SLCO3A1: variants seen among roughly 807,000 people sequenced by gnomAD.
SLCO3A1 encodes PGE1 transporter.
Under a neutral mutation model 63.1 loss-of-function variants are expected in SLCO3A1, and 27 were observed. The observed-to-expected ratio is 0.43, with a 90% confidence interval of 0.32 to 0.59. The LOEUF is 0.59. Ranked by LOEUF, SLCO3A1 falls within the 20% of genes least tolerant of loss-of-function variation. SLCO3A1 has a pLI of 0.09. For missense variants in SLCO3A1, 773 were observed against 945.8 expected (o/e 0.82, Z 2.40); for synonymous variants, 473 against 409.9 (o/e 1.15, Z -1.86).
At chr15:92,081,395 G>A (rs571710112) in intron 2 of SLCO3A1, among the ~76,000 whole-genome samples, 1 of 151,636 alleles carries the variant, frequency 6.6e-6, no homozygotes, top group Non-Finnish European at 1.5e-5. Context: ...CTATTGCCCA[G>A]GCTGGAGCGC....
rs1282401643 is a variant in SLCO3A1, at chr15:91,887,067, C to T, written c.181-28926C>T. 3.3e-5 allele frequency among the ~76,000 whole-genome samples: 5 copies of T among 152,198 alleles called. No homozygotes were observed. In the East Asian group the frequency reaches 9.7e-4, roughly 29 times the overall value. The stretch of plus-strand genomic sequence containing the variant: ...TTTTATGGTGTTTTGTGGGAGGGCA[C>T]AGGGGACTGACGTGTGAATGCCAGG... On this transcript the variant is annotated intron_variant, in intron 1 of 9. Transcript: ENST00000318445.
intron 3 of SLCO3A1, chr15:92,097,804 G>A (rs893296020): frequency 6.6e-6 from 1 of 152,226 alleles, no homozygotes; most frequent in African/African-American, 2.4e-5. Flanking sequence ...TATTTAGGGA[G>A]TCAGCCATAG....
chr15:92,131,346 TCC>T (rs2047993645), intron 7 of SLCO3A1, among the ~76,000 whole-genome samples: 1 of 141,202 alleles, frequency 7.1e-6, no homozygotes, highest in Non-Finnish European at 1.6e-5. Flanking sequence ...AGCCTCAACC[TCC>T]CTATTCCTCC....
chr15:91,998,088 T>G (rs781224735), intron 2 of SLCO3A1, among the ~76,000 whole-genome samples: 1 of 152,224 alleles, frequency 6.6e-6, no homozygotes, highest in Non-Finnish European at 1.5e-5. Flanking sequence ...TTTCAAACTA[T>G]GCATTCGACA....
chr15:91,986,198 G>A (rs545588625), intron 2 of SLCO3A1, among the ~76,000 whole-genome samples: 1 of 152,272 alleles, frequency 6.6e-6, no homozygotes, highest in East Asian at 1.9e-4. Context: ...CCCTTTCCTC[G>A]GCTACTGTCC....
At chr15:92,089,898 T>C (rs1297398120) in intron 2 of SLCO3A1, among the ~76,000 whole-genome samples, 7 of 152,188 alleles carry the variant, frequency 4.6e-5, no homozygotes, top group Admixed American at 3.9e-4. Context: ...CAAACTTACT[T>C]GGTTCACAGC....
Position 92,094,921 on chromosome 15 carries a change from G to C in SLCO3A1, c.687G>C (p.Gly229=). 3.7e-6 allele frequency: 6 copies of C among 1,613,998 alleles called. No homozygotes were observed. The highest frequency in any genetic ancestry group is 5.1e-6 in the Non-Finnish European group (6 of 1,179,854). ...FTMLVFGPAC[G]FILGSFCTKI... ...TGCTGGTATTTGGACCAGCCTGCGG[G>C]TTTATCCTGGGCTCTTTCTGTACCA... is the stretch of plus-strand genomic sequence containing the variant. The change falls in exon 3 of 10, where the codon GGG becomes GGC. Residue 229 remains glycine, a synonymous_variant. Transcript: ENST00000318445.
At chr15:92,129,126 T>C (rs904191870) in intron 7 of SLCO3A1, among the ~76,000 whole-genome samples, 61 of 152,310 alleles carry the variant, frequency 4.0e-4, no homozygotes, top group African/African-American at 1.4e-3. Flanking sequence ...CAGGAGTCCT[T>C]GGCACCTGCC....
rs1184289409 is a variant in SLCO3A1 at position 92,150,788 on chromosome 15, A to AGG, written c.1689-161_1689-160insGG. 2.1e-3 allele frequency among the ~76,000 whole-genome samples: 321 copies of AGG among 152,064 alleles called. 2 individuals are homozygous for AGG. Among genetic ancestry groups the AGG allele is most frequent in the African/African-American group, 7.4e-3 (308 of 41,452 alleles). Reference sequence around the variant, plus strand: ...TGCAGTTATTTTTCAGACTTTAGGCAGAAAAAAAAAAAGACACTATTAGTA... The same window carrying AGG: ...TGCAGTTATTTTTCAGACTTTAGGCAGGGAAAAAAAAAAAGACACTATTAGTA... On this transcript the variant is annotated intron_variant, in intron 8 of 9. Coordinates refer to ENST00000318445, the MANE Select transcript of SLCO3A1 (RefSeq NM_013272.4).
In SLCO3A1 at chr15:92,104,434, C is replaced by G. The variant is rs370512852; in HGVS notation, c.901C>G (p.Gln301Glu). 5 of 1,614,152 alleles carry G rather than the reference C, an allele frequency of 3.1e-6. No individual in the cohort carries two copies. Among genetic ancestry groups the G allele is most frequent in the Middle Eastern group, 1.6e-4 (1 of 6,062 alleles). Residue 301 changes from glutamine to glutamate, a missense_variant, in exon 4 of 10, where the codon CAG becomes GAG. Physicochemically the swap from Gln to Glu is conservative, Grantham distance 29. Transcript: ENST00000318445. ...PHSEPAMESE[Q>E]AMLSEREYER... ...CTCAGAGCCCGCCATGGAAAGCGAG[C>G]AGGCCATGCTCTCCGAAAGAGAATA...
chr15:92,081,388 T>C (rs2047344471), intron 2 of SLCO3A1, among the ~76,000 whole-genome samples: 1 of 151,984 alleles, frequency 6.6e-6, no homozygotes, highest in African/African-American at 2.4e-5. Flanking sequence ...TCTCGCTCTA[T>C]TGCCCAGGCT....
intron 2 of SLCO3A1, among the ~76,000 whole-genome samples, chr15:92,081,823 C>T (rs1055200754): frequency 3.2e-4 from 48 of 152,236 alleles, no homozygotes; most frequent in African/African-American, 1.0e-3. Flanking sequence ...AGCTTCATCA[C>T]AATCTCCAGG....
intron 1 of SLCO3A1, among the ~76,000 whole-genome samples, chr15:91,896,396 G>A (rs35916517): frequency 0.13 from 19,911 of 152,190 alleles, 1,539 homozygotes; most frequent in East Asian, 0.34. Flanking sequence ...AGGACTCCAG[G>A]TAGAAATGAC....
chr15:91,959,736 A>G (rs1441868869), intron 2 of SLCO3A1, among the ~76,000 whole-genome samples: 1 of 151,406 alleles, frequency 6.6e-6, no homozygotes, highest in African/African-American at 2.4e-5. Context: ...AAAAAAAAAA[A>G]AAAAAAAGAA....
At chr15:91,974,265 G>GTCATTATTATTA (rs1555420155) in intron 2 of SLCO3A1, among the ~76,000 whole-genome samples, 2 of 142,958 alleles carry the variant, frequency 1.4e-5, no homozygotes, top group East Asian at 4.1e-4. Context: ...TTTCATTATT[G>GTCATTATTATTA]TTATTATTAT....
At chr15:92,159,496 AATTT>A (rs2048410981) in intron 9 of SLCO3A1, among the ~76,000 whole-genome samples, 1 of 152,008 alleles carries the variant, frequency 6.6e-6, no homozygotes, top group South Asian at 2.1e-4. Context: ...AAAAAAAAAA[AATTT>A]ATTTCATCTC....
intron 2 of SLCO3A1, among the ~76,000 whole-genome samples, chr15:91,984,026 G>A (rs140085433): frequency 1.6e-3 from 242 of 152,276 alleles, no homozygotes; most frequent in African/African-American, 5.7e-3. Context: ...CCAGGTCAGC[G>A]CTGTACCTCT....
chr15:92,049,104 T>G (rs145769581), intron 2 of SLCO3A1, among the ~76,000 whole-genome samples: 1 of 152,110 alleles, frequency 6.6e-6, no homozygotes, highest in Non-Finnish European at 1.5e-5. Flanking sequence ...ATCTTAGAGA[T>G]GAGTGGTTAC....
intron 2 of SLCO3A1, among the ~76,000 whole-genome samples, chr15:92,043,542 C>T (rs1165985799): frequency 6.6e-6 from 1 of 152,232 alleles, no homozygotes; most frequent in Non-Finnish European, 1.5e-5. Context: ...AGAGCCTAAA[C>T]ATGCTTTGAT....
Sources: gnomAD v4.1 joint callset for allele counts (sites outside exome capture counted in the v4.1 genomes callset) on GRCh38, gnomAD v4.1.1 for gene constraint, MANE v1.5 for transcripts, NCBI Gene and HGNC (gene_info 2026-07-23, HGNC 2026-07-21) for gene names.